EPB41L3: variants seen among roughly 807,000 people sequenced by gnomAD.
EPB41L3 encodes band 4.1-like protein 3.
EPB41L3 carries 57 observed loss-of-function variants against 127.1 expected under a neutral mutation model. The observed-to-expected ratio is 0.45, with a 90% CI of 0.36 to 0.56. The LOEUF (loss-of-function observed/expected upper bound fraction) is 0.56, where lower values mean the gene tolerates loss of function less well. Among genes scored for constraint, EPB41L3 ranks in the 20% least tolerant of loss-of-function variants. The pLI, the probability that EPB41L3 is intolerant of heterozygous loss-of-function variation, is 0.00. For synonymous variants in EPB41L3, 572 were observed against 549.5 expected, an observed-to-expected ratio of 1.04 and a Z score of -0.57; for missense variants, 1,273 against 1,372.2, an observed-to-expected ratio of 0.93 and a Z score of 1.14.
chr18:5,567,566 A>C (rs1462198111), intron 3 of EPB41L3, among the ~76,000 whole-genome samples: 2 of 152,066 alleles, frequency 1.3e-5, no homozygotes, highest in Non-Finnish European at 2.9e-5. Flanking sequence ...TATCTCAGAA[A>C]GTGAGAAAGA....
intron 1 of EPB41L3, among the ~76,000 whole-genome samples, chr18:5,617,317 A>ATT: frequency 8.0e-6 from 1 of 125,044 alleles, no homozygotes; most frequent in Non-Finnish European, 1.6e-5. Context: ...TTCTATTATT[A>ATT]TTATTTTTTT....
intron 2 of EPB41L3, chr18:5,481,084 AT>A: frequency 6.6e-6 from 1 of 152,320 alleles, no homozygotes; most frequent in African/African-American, 2.4e-5. Context: ...CTAAGCTGGG[AT>A]GGGATCTCCC....
At chr18:5,611,074 C>G (rs1282479688) in intron 3 of EPB41L3, among the ~76,000 whole-genome samples, 1 of 152,188 alleles carries the variant, frequency 6.6e-6, no homozygotes, top group Non-Finnish European at 1.5e-5. Flanking sequence ...CTGTGATCCT[C>G]AGGTCCACTC....
At chr18:5,540,939 G>C (rs12232554) in intron 1 of EPB41L3, among the ~76,000 whole-genome samples, 3 of 152,040 alleles carry the variant, frequency 2.0e-5, no homozygotes, top group Admixed American at 6.6e-5. Context: ...AAAAAAATTA[G>C]CCGGGCGTGG....
At chr18:5,539,367 T>C (rs1440232824) in intron 1 of EPB41L3, among the ~76,000 whole-genome samples, 1 of 152,104 alleles carries the variant, frequency 6.6e-6, no homozygotes, top group African/African-American at 2.4e-5. Context: ...GTACTGCAAA[T>C]TACAAAAGAA....
chr18:5,546,304 C>T (rs1235198611), upstream of EPB41L3, among the ~76,000 whole-genome samples: 3 of 151,840 alleles, frequency 2.0e-5, no homozygotes, highest in Admixed American at 6.6e-5. Context: ...AGGCTGAGGC[C>T]GGTGGATCAC....
intron 1 of EPB41L3, among the ~76,000 whole-genome samples, chr18:5,517,754 A>G (rs2092809167): frequency 6.6e-6 from 1 of 152,098 alleles, no homozygotes; most frequent in African/African-American, 2.4e-5. Flanking sequence ...CATCTTATCC[A>G]CAGAGTTCCA....
chr18:5,472,212 G>A (rs2086273964), intron 3 of EPB41L3, among the ~76,000 whole-genome samples: 1 of 152,120 alleles, frequency 6.6e-6, no homozygotes, highest in Admixed American at 6.5e-5. Context: ...TGAGACAAAT[G>A]TCAATACCGT....
intron 3 of EPB41L3, 40 bp from the exon 4 acceptor site, chr18:5,445,284 A>G: frequency 6.7e-7 from 1 of 1,486,610 alleles, no homozygotes; most frequent in Non-Finnish European, 9.4e-7. Flanking sequence ...AATACAACAC[A>G]AAGAAAGTTC....
chr18:5,619,354 T>A (rs2094834514), intron 1 of EPB41L3, among the ~76,000 whole-genome samples: 1 of 152,246 alleles, frequency 6.6e-6, no homozygotes, highest in African/African-American at 2.4e-5. Flanking sequence ...GGCTCTTTTC[T>A]TTTTTATGTT....
At chr18:5,593,498 A>T (rs183816721) in intron 3 of EPB41L3, among the ~76,000 whole-genome samples, 1 of 152,124 alleles carries the variant, frequency 6.6e-6, no homozygotes, top group Non-Finnish European at 1.5e-5. Flanking sequence ...AGGTGATAGG[A>T]TATCACAAGG....
intron 1 of EPB41L3, among the ~76,000 whole-genome samples, chr18:5,532,336 G>A (rs1193213362): frequency 2.0e-5 from 3 of 152,114 alleles, no homozygotes; most frequent in Admixed American, 6.5e-5. Context: ...CACTGAGCAC[G>A]GTGCCAGGTT....
chr18:5,501,484 T>C (rs2091745057), intron 1 of EPB41L3, among the ~76,000 whole-genome samples: 1 of 152,232 alleles, frequency 6.6e-6, no homozygotes, highest in Admixed American at 6.5e-5. Flanking sequence ...ATATAGAATA[T>C]GCTAAACTTG....
intron 8 of EPB41L3, chr18:5,429,457 TG>T (rs1172103761): frequency 6.6e-6 from 1 of 152,086 alleles, no homozygotes; most frequent in African/African-American, 2.4e-5. Flanking sequence ...CAGGCAGGAT[TG>T]TAAGTGAGGT....
intron 1 of EPB41L3, among the ~76,000 whole-genome samples, chr18:5,615,649 C>A (rs1440506290): frequency 6.6e-6 from 1 of 152,182 alleles, no homozygotes; most frequent in Non-Finnish European, 1.5e-5. Context: ...GCCCTCAGGG[C>A]AGAATATTGG....
intron 3 of EPB41L3, among the ~76,000 whole-genome samples, chr18:5,590,051 C>A (rs2094472248): frequency 6.6e-6 from 1 of 152,114 alleles, no homozygotes; most frequent in Admixed American, 6.6e-5. Context: ...GAGAAACATC[C>A]ATTTATTTTC....
chr18:5,575,672 A>G (rs1048683745), intron 3 of EPB41L3, among the ~76,000 whole-genome samples: 1 of 152,188 alleles, frequency 6.6e-6, no homozygotes, highest in South Asian at 2.1e-4. Flanking sequence ...CCCCATCTCT[A>G]CTAAAAATAT....
In EPB41L3 at chr18:5,396,284, CCGGTG is replaced by C; in HGVS notation, c.2885_2889del (p.Ser962TrpfsTer25). 1.2e-6 allele frequency: 2 copies of C among 1,614,182 alleles called. No individual in the cohort carries two copies. The highest frequency in any genetic ancestry group is 1.7e-6 in the Non-Finnish European group (2 of 1,180,032). On this transcript the variant is annotated frameshift_variant, in exon 19 of 23. Coordinates refer to ENST00000341928, the MANE Select transcript of EPB41L3 (RefSeq NM_012307.5). LOFTEE classifies it high-confidence loss of function. ...GTGGAAATTTCTAGCTTTACTCCTC[CCGGTG>C]AAACACTGCCAAAACTGATGGTTTC...
intron 1 of EPB41L3, among the ~76,000 whole-genome samples, chr18:5,529,323 T>TAC (rs1025229962): frequency 1.5e-5 from 2 of 135,090 alleles, no homozygotes; most frequent in African/African-American, 5.7e-5. Context: ...ATCAAATACA[T>TAC]ACATATATAT....
Sources: gnomAD v4.1 joint callset for allele counts (sites outside exome capture counted in the v4.1 genomes callset) on GRCh38, gnomAD v4.1.1 for gene constraint, MANE v1.5 for transcripts, NCBI Gene and HGNC (gene_info 2026-07-23, HGNC 2026-07-21) for gene names.